The following RBFOX3 variants were observed in gnomAD, a reference collection of about 807,000 sequenced individuals.
RBFOX3 encodes RNA binding fox-1 homolog 3, also known as RNA binding protein fox-1 homolog 3.
RBFOX3 carries 17 observed loss-of-function variants against 48.7 expected under a neutral mutation model. The observed-to-expected ratio is 0.35, with a 90% CI of 0.24 to 0.52. The LOEUF is 0.52. Among genes scored for constraint, RBFOX3 ranks in the 20% least tolerant of loss-of-function variants. The pLI is 0.94. For missense variants in RBFOX3, 382 were observed against 497.5 expected (o/e 0.77, Z 2.21); for synonymous variants, 212 against 209.5 (o/e 1.01, Z -0.10).
chr17:79,513,260 G>A lies in RBFOX3; in HGVS notation c.-319-30662C>T, dbSNP rs1404907935. Among the ~76,000 whole-genome samples the A allele has an allele frequency of 7.2e-5, 11 of 152,162 alleles. 1 individual carries two copies. The highest frequency in any genetic ancestry group is 2.4e-5 in the African/African-American group (1 of 41,432). ...CCATCAGGTACAGCCCCATGGCCAG[G>A]GGACACACACCCGAATGCATGTCAC... On this transcript the variant is annotated intron_variant, in intron 1 of 14. Coordinates refer to ENST00000693108, the MANE Select transcript of RBFOX3 (RefSeq NM_001350451.2).
At chr17:79,377,316 C>A (rs2059336217) in intron 2 of RBFOX3, among the ~76,000 whole-genome samples, 1 of 152,178 alleles carries the variant, frequency 6.6e-6, no homozygotes, top group Non-Finnish European at 1.5e-5. Flanking sequence ...TGGACACGTG[C>A]ACACGGAGAC....
chr17:79,558,187 C>T (rs2144046386), intron 1 of RBFOX3, among the ~76,000 whole-genome samples: 1 of 152,304 alleles, frequency 6.6e-6, no homozygotes, highest in South Asian at 2.1e-4. Flanking sequence ...AAGACATACC[C>T]TCAGAGGAGC....
chr17:79,100,713 C>T (rs1197104128), intron 9 of RBFOX3, among the ~76,000 whole-genome samples: 1 of 152,222 alleles, frequency 6.6e-6, no homozygotes, highest in East Asian at 1.9e-4. Context: ...TGCTCCCTGG[C>T]AGGAATGAGC....
intron 3 of RBFOX3, among the ~76,000 whole-genome samples, chr17:79,265,733 T>C (rs1361167892): frequency 6.6e-6 from 1 of 152,202 alleles, no homozygotes; most frequent in African/African-American, 2.4e-5. Flanking sequence ...GTGAATTCTC[T>C]CCCATTCCGG....
chr17:79,372,320 A>T (rs1277720780), intron 2 of RBFOX3, among the ~76,000 whole-genome samples: 1 of 83,568 alleles, frequency 1.2e-5, no homozygotes, highest in Non-Finnish European at 2.2e-5. Context: ...CCCCCCTGTC[A>T]AATCCCCCCC....
intron 4 of RBFOX3, among the ~76,000 whole-genome samples, chr17:79,141,089 C>G (rs1488473777): frequency 6.6e-6 from 1 of 152,246 alleles, no homozygotes; most frequent in East Asian, 1.9e-4. Context: ...AGGGTGGCAG[C>G]TGCCTGGTAA....
At chr17:79,558,810 A>G (rs1190741256) in intron 1 of RBFOX3, among the ~76,000 whole-genome samples, 2 of 152,158 alleles carry the variant, frequency 1.3e-5, no homozygotes, top group Non-Finnish European at 2.9e-5. Flanking sequence ...GCTGCACAAG[A>G]AGGACATTGA....
intron 2 of RBFOX3, among the ~76,000 whole-genome samples, chr17:79,435,574 A>C (rs546510050): frequency 1.3e-3 from 192 of 152,238 alleles, no homozygotes; most frequent in African/African-American, 4.2e-3. Flanking sequence ...TTAGGAGTAA[A>C]TGTGTCAACA....
rs186002746 is a variant in RBFOX3 at position 79,410,327 on chromosome 17, C to T, written c.-175+72127G>A. On this transcript the variant is annotated intron_variant, in intron 2 of 14. Coordinates refer to ENST00000693108, the MANE Select transcript of RBFOX3 (RefSeq NM_001350451.2). ...TGCGTTTCAGGCTGGTTCTCGTCTC[C>T]GTGCATCATTCTGGCTGCGGCAGGC... 5.5e-3 allele frequency among the ~76,000 whole-genome samples: 845 copies of T among 152,282 alleles called. 7 individuals are homozygous for T. Among genetic ancestry groups the T allele is most frequent in the Non-Finnish European group, 8.5e-3 (580 of 68,028 alleles).
intron 1 of RBFOX3, among the ~76,000 whole-genome samples, chr17:79,542,180 GA>G (rs1483257013): frequency 2.6e-5 from 4 of 152,198 alleles, no homozygotes; most frequent in Admixed American, 2.6e-4. Flanking sequence ...TACAAAGCTG[GA>G]AATTGTTTCC....
chr17:79,605,072 G>A (rs1287938444), intron 1 of RBFOX3, among the ~76,000 whole-genome samples: 3 of 152,134 alleles, frequency 2.0e-5, no homozygotes. Flanking sequence ...CATGGTGTTC[G>A]GGCTGCTCAA....
chr17:79,621,678 C>T, the RBFOX3 span, among the ~76,000 whole-genome samples: 2 of 152,168 alleles, frequency 1.3e-5, no homozygotes, highest in Admixed American at 1.3e-4. Flanking sequence ...GTGCGGGAGT[C>T]GTGCATGTCA....
intron 2 of RBFOX3, among the ~76,000 whole-genome samples, chr17:79,467,420 C>T (rs2076460157): frequency 6.6e-6 from 1 of 152,182 alleles, no homozygotes; most frequent in African/African-American, 2.4e-5. Context: ...ATTTCTTTTA[C>T]ATTTTGCCTT....
Position 79,205,475 on chromosome 17 carries a change from C to A in RBFOX3, c.-34+30291G>T, listed in dbSNP as rs1277022383. Among the ~76,000 whole-genome samples the A allele has an allele frequency of 6.6e-6, 1 of 152,064 alleles. No homozygotes were observed. Among genetic ancestry groups the A allele is most frequent in the Non-Finnish European group, 1.5e-5 (1 of 68,020 alleles). On this transcript the variant is annotated intron_variant, in intron 4 of 14. Transcript: ENST00000693108. This position sits in a 1 kb window ranked among gnomAD's most constrained non-coding sequence, Gnocchi z 4.5. ...ATATGAGTTCCCTGACGTAGGAGTG[C>A]CAAATGGGAGCCTATAAAACCTCCC...
the RBFOX3 span, among the ~76,000 whole-genome samples, chr17:79,625,686 G>A: frequency 7.8e-5 from 11 of 141,478 alleles, no homozygotes; most frequent in African/African-American, 3.3e-4. Flanking sequence ...CAGCTACTCA[G>A]GAGGCTGAGG....
chr17:79,094,784 G>T (rs1412146989), intron 13 of RBFOX3, among the ~76,000 whole-genome samples: 1 of 148,520 alleles, frequency 6.7e-6, no homozygotes, highest in Non-Finnish European at 1.5e-5. Flanking sequence ...GGTGGGGGGA[G>T]GGGGTGTGTT....
chr17:79,394,102 TGCACATCGTCTGAGCCAATCATCAC>T (rs2061694198), intron 2 of RBFOX3, among the ~76,000 whole-genome samples: 2 of 151,408 alleles, frequency 1.3e-5, no homozygotes. Flanking sequence ...CCGGTCACTA[TGCACATCGTCTGAGCCAATCATCAC>T]GCACATCTGA....
upstream of RBFOX3, among the ~76,000 whole-genome samples, chr17:79,611,130 T>TTCTCTCTCTC (rs1173570495): frequency 1.9e-3 from 71 of 37,812 alleles, 13 homozygotes; most frequent in East Asian, 9.4e-3. Context: ...TCCGCCCTCC[T>TTCTCTCTCTC]TCTCTCTCTC....
intron 4 of RBFOX3, among the ~76,000 whole-genome samples, chr17:79,139,819 G>A (rs754241719): frequency 2.4e-4 from 37 of 152,338 alleles, no homozygotes; most frequent in Admixed American, 5.9e-4. Context: ...TGACGATGCC[G>A]GAGGGGCAGA....
Sources: allele counts gnomAD v4.1 joint callset (sites outside exome capture counted in the v4.1 genomes callset), GRCh38; gene constraint gnomAD v4.1.1; non-coding constraint Gnocchi (gnomAD v3.1); transcripts MANE v1.5; gene names NCBI Gene and HGNC (gene_info 2026-07-23, HGNC 2026-07-21).